IPMK: variants seen among roughly 807,000 people sequenced by gnomAD.
The protein encoded by IPMK is inositol 1,3,4,6-tetrakisphosphate 5-kinase.
Under a neutral mutation model 45.8 loss-of-function variants are expected in IPMK, and 17 were observed. The observed-to-expected ratio is 0.37, with a 90% CI of 0.25 to 0.56. The LOEUF (loss-of-function observed/expected upper bound fraction) is 0.56, where lower values mean the gene tolerates loss of function less well. Among genes scored for constraint, IPMK ranks in the 20% least tolerant of loss-of-function variants. IPMK has a pLI of 0.79. For synonymous variants in IPMK, 180 were observed against 184.3 expected (o/e 0.98, Z 0.19); for missense variants, 399 against 498.0 (o/e 0.80, Z 1.89).
intron 1 of IPMK, among the ~76,000 whole-genome samples, chr10:58,244,785 G>A (rs1838770274): frequency 6.6e-6 from 1 of 152,074 alleles, no homozygotes; most frequent in South Asian, 2.1e-4. Context: ...GTCAACTCAG[G>A]GTTAAATGGA....
intron 1 of IPMK, among the ~76,000 whole-genome samples, chr10:58,264,224 A>G (rs1315825280): frequency 6.6e-6 from 1 of 152,232 alleles, no homozygotes; most frequent in Non-Finnish European, 1.5e-5. Context: ...GCAAATAGTT[A>G]AGAAAAATTA....
At chr10:58,231,918 G>A (rs924835077) in intron 2 of IPMK, among the ~76,000 whole-genome samples, 125 of 152,294 alleles carry the variant, frequency 8.2e-4, no homozygotes, top group African/African-American at 2.8e-3. Flanking sequence ...TTGGTGTACC[G>A]TATTCAGGAG....
At chr10:58,228,923 G>A (rs538844268) in intron 2 of IPMK, among the ~76,000 whole-genome samples, 20 of 152,302 alleles carry the variant, frequency 1.3e-4, no homozygotes, top group African/African-American at 4.8e-4. Flanking sequence ...AAACAAAAGT[G>A]TTAACCCAAG....
intron 4 of IPMK, among the ~76,000 whole-genome samples, chr10:58,207,078 C>T (rs538813358): frequency 1.4e-4 from 21 of 152,228 alleles, no homozygotes; most frequent in Non-Finnish European, 2.9e-4. Context: ...TCTCAGCTCA[C>T]TGCAAACTCC....
Position 58,194,870 on chromosome 10 carries a change from G to A in IPMK, c.*1206C>T, listed in dbSNP as rs1837869200. ...TAGTTGATTTTTTTTTAAGGTGGTG[G>A]GTGTGAAACAAAGATAATACAAATC... On this transcript the variant is annotated 3_prime_UTR_variant, in exon 6 of 6. Transcript: ENST00000373935. The A allele has an allele frequency of 6.6e-6, 1 of 151,610 alleles. No individual in the cohort carries two copies. Among genetic ancestry groups the A allele is most frequent in the African/African-American group, 2.4e-5 (1 of 41,334 alleles). The allele number at this position is 151,610 out of a possible 1,614,324, so 9.4% of individuals were successfully genotyped here.
intron 4 of IPMK, among the ~76,000 whole-genome samples, chr10:58,206,972 T>C (rs1338010913): frequency 2.0e-5 from 3 of 150,438 alleles, no homozygotes; most frequent in African/African-American, 7.5e-5. Flanking sequence ...GGCTGAGTAA[T>C]AGTCCACCAT....
intron 1 of IPMK, among the ~76,000 whole-genome samples, chr10:58,264,920 G>C (rs183852729): frequency 4.6e-5 from 7 of 152,310 alleles, no homozygotes; most frequent in African/African-American, 1.7e-4. Flanking sequence ...GGCCTGAAAG[G>C]ATAGACAGGA....
Position 58,267,846 on chromosome 10 carries a change from C to A in IPMK, c.-235G>T. 2.1e-6 allele frequency: 1 copy of A among 473,296 alleles called. No homozygotes were observed. The highest frequency in any genetic ancestry group is 3.7e-6 in the Non-Finnish European group (1 of 269,664). The allele number at this position is 473,296 out of a possible 1,614,324, so 29.3% of individuals were successfully genotyped here. A position where few individuals can be genotyped will look rare whatever the true frequency, so the allele number is the denominator to read the frequency against. On this transcript the variant is annotated 5_prime_UTR_variant, in exon 1 of 6. Transcript: ENST00000373935. ...CCCGGCTCCTGTTCCTCTGCCGCCG[C>A]AGCCGCCGGCCCCGGCGCTGCCCGG...
At chr10:58,245,203 C>T (rs1157260289) in intron 1 of IPMK, among the ~76,000 whole-genome samples, 1 of 150,382 alleles carries the variant, frequency 6.6e-6, no homozygotes, top group East Asian at 1.9e-4. Context: ...TACATGATTA[C>T]ACTTATAGGA....
In IPMK at chr10:58,237,725, T is replaced by C. The variant is rs1267188789; in HGVS notation, c.276+4A>G. On this transcript the variant is annotated splice_donor_region_variant and intron_variant, in intron 2 of 5. Coordinates refer to ENST00000373935, the MANE Select transcript of IPMK (RefSeq NM_152230.5). ...GACAACAAAACAAATCTTACCTCACTTACCATATTATAGAATTCCAGCTCT... is the reference window on the plus strand; with the variant it reads ...GACAACAAAACAAATCTTACCTCACCTACCATATTATAGAATTCCAGCTCT... The C allele has an allele frequency of 2.5e-6, 4 of 1,605,744 alleles. No homozygotes were observed. In the South Asian group the frequency reaches 4.4e-5, roughly 18 times the overall value.
intron 4 of IPMK, among the ~76,000 whole-genome samples, chr10:58,213,613 G>A (rs556195187): frequency 1.3e-5 from 2 of 152,292 alleles, no homozygotes; most frequent in African/African-American, 4.8e-5. Context: ...CATGAAGCCA[G>A]GAGGCGGAGC....
At chr10:58,222,965 A>G (rs1181589991) in intron 3 of IPMK, among the ~76,000 whole-genome samples, 1 of 152,200 alleles carries the variant, frequency 6.6e-6, no homozygotes, top group Non-Finnish European at 1.5e-5. Context: ...CAAAGGCATA[A>G]GAACAATACA....
In IPMK at chr10:58,193,704, C is replaced by T. The variant is rs1232998960; in HGVS notation, c.*2372G>A. On this transcript the variant is annotated 3_prime_UTR_variant, in exon 6 of 6. Transcript: ENST00000373935. ...ATAGGGGAAAAAAAACTATGAGAAT[C>T]CTATTAACCCAAACTATATCCGCAT... 6.6e-6 allele frequency: 1 copy of T among 151,570 alleles called. No individual in the cohort carries two copies. The highest frequency in any genetic ancestry group is 1.5e-5 in the Non-Finnish European group (1 of 67,658). The allele number at this position is 151,570 out of a possible 1,614,324, so 9.4% of individuals were successfully genotyped here.
At chr10:58,230,962 A>G (rs1422481881) in intron 2 of IPMK, among the ~76,000 whole-genome samples, 1 of 152,202 alleles carries the variant, frequency 6.6e-6, no homozygotes, top group African/African-American at 2.4e-5. Context: ...ACTAGAATAA[A>G]CAGTGTAGAG....
At chr10:58,211,433 T>C (rs1380086699) in intron 4 of IPMK, among the ~76,000 whole-genome samples, 1 of 152,088 alleles carries the variant, frequency 6.6e-6, no homozygotes, top group African/African-American at 2.4e-5. Context: ...CCTCAGGTGA[T>C]CCACCCACCT....
At chr10:58,233,481 A>G (rs189113991) in intron 2 of IPMK, among the ~76,000 whole-genome samples, 11 of 152,336 alleles carry the variant, frequency 7.2e-5, no homozygotes, top group Admixed American at 3.9e-4. Context: ...ACCATGATCA[A>G]GTTGGCTTCA....
chr10:58,198,881 G>GT (rs1404794941), intron 5 of IPMK, among the ~76,000 whole-genome samples: 1 of 152,060 alleles, frequency 6.6e-6, no homozygotes, highest in Non-Finnish European at 1.5e-5. Context: ...AGCCTCTTAT[G>GT]TAACAAGCAG....
At chr10:58,264,240 A>G (rs1462441644) in intron 1 of IPMK, among the ~76,000 whole-genome samples, 1 of 152,240 alleles carries the variant, frequency 6.6e-6, no homozygotes, top group Non-Finnish European at 1.5e-5. Flanking sequence ...AATTATTTGC[A>G]TTGAGAGATA....
rs183766078 is a variant in IPMK, at chr10:58,231,775, G to A, written c.277-4636C>T. Among the ~76,000 whole-genome samples the A allele has an allele frequency of 1.3e-4, 20 of 152,084 alleles. No homozygotes were observed. In the East Asian group the frequency reaches 3.9e-3, roughly 29 times the overall value. On this transcript the variant is annotated intron_variant, in intron 2 of 5. Coordinates refer to ENST00000373935, the MANE Select transcript of IPMK (RefSeq NM_152230.5). ...TATGAAAAAACTGCATCAATTAATGGGCAAAATAACCAGCGAACATCATAA... is the reference window on the plus strand; with the variant it reads ...TATGAAAAAACTGCATCAATTAATGAGCAAAATAACCAGCGAACATCATAA...
Sources: allele counts gnomAD v4.1 joint callset (sites outside exome capture counted in the v4.1 genomes callset), GRCh38; gene constraint gnomAD v4.1.1; transcripts MANE v1.5; gene names NCBI Gene and HGNC (gene_info 2026-07-23, HGNC 2026-07-21).